LOXL2: variants seen among roughly 807,000 people sequenced by gnomAD.
The protein encoded by LOXL2 is lysyl oxidase homolog 2.
LOXL2 carries 70 observed loss-of-function variants against 93.0 expected under a neutral mutation model. That is an observed-to-expected ratio of 0.75 (90% CI 0.62 to 0.92). LOXL2 has a LOEUF of 0.92. Ranked by LOEUF, LOXL2 falls within the 40% of genes least tolerant of loss-of-function variation. The probability of loss-of-function intolerance (pLI) is 0.00; values close to 1 mark genes in which losing one functional copy is unlikely to be tolerated. For synonymous variants in LOXL2, 438 were observed against 413.2 expected (o/e 1.06, Z -0.73); for missense variants, 973 against 1,054.9 (o/e 0.92, Z 1.08).
chr8:23,368,486 T>G, intron 1 of LOXL2, 52 bp from the exon 2 acceptor site: 1 of 710,192 alleles, frequency 1.4e-6, no homozygotes, highest in Non-Finnish European at 2.4e-6. Flanking sequence ...TACGGAGACC[T>G]ACATAGAGAA....
At chr8:23,365,543 C>G (rs916807261) in intron 2 of LOXL2, 5 of 150,098 alleles carry the variant, frequency 3.3e-5, no homozygotes, top group Admixed American at 2.0e-4. Flanking sequence ...GCATCTGTTT[C>G]TTTCTCCTCT....
At chr8:23,360,046 GA>G (rs747573174) in intron 3 of LOXL2, 43 bp downstream of exon 3, 17 of 1,561,680 alleles carry the variant, frequency 1.1e-5, no homozygotes, top group Non-Finnish European at 1.4e-5. Flanking sequence ...CATGGAAGAG[GA>G]AAAATGTTTG....
chr8:23,388,441 G>A (rs569672192), intron 1 of LOXL2, among the ~76,000 whole-genome samples: 1 of 151,970 alleles, frequency 6.6e-6, no homozygotes, highest in Admixed American at 6.6e-5. Flanking sequence ...TTAATTGGCT[G>A]GGCATGGTAG....
intron 3 of LOXL2, among the ~76,000 whole-genome samples, chr8:23,350,344 C>T (rs747894607): frequency 1.1e-4 from 17 of 151,922 alleles, no homozygotes; most frequent in Admixed American, 1.3e-4. Context: ...TTTGGGAGGC[C>T]GAGGCGGGCA....
At chr8:23,374,421 C>T (rs908698503) in intron 1 of LOXL2, among the ~76,000 whole-genome samples, 29 of 152,094 alleles carry the variant, frequency 1.9e-4, no homozygotes, top group African/African-American at 5.1e-4. Flanking sequence ...TGTGTGCATG[C>T]GCCTTTACAG....
chr8:23,301,898 G>T (rs1803138469), intron 12 of LOXL2, 129 bp downstream of exon 12: 4 of 1,143,596 alleles, frequency 3.5e-6, no homozygotes, highest in Non-Finnish European at 5.0e-6. Flanking sequence ...ATGGCCTCTG[G>T]GGGTAGCACC....
rs202120091 is a variant in LOXL2 at position 23,308,971 on chromosome 8, A to AAT, written c.1880+695_1880+696dup. On this transcript the variant is annotated intron_variant, in intron 10 of 13. Coordinates refer to ENST00000389131, the MANE Select transcript of LOXL2 (RefSeq NM_002318.3). Reference sequence around the variant, plus strand: ...ATTTAAAATACATACCAGTACGTGGAATATATATATATATATATATTTTTT... The same window carrying AAT: ...ATTTAAAATACATACCAGTACGTGGAATATATATATATATATATATATTTTTT... 1.5e-3 allele frequency among the ~76,000 whole-genome samples: 224 copies of AAT among 146,912 alleles called. 2 individuals carry two copies. Among genetic ancestry groups the AAT allele is most frequent in the African/African-American group, 2.7e-3 (107 of 39,878 alleles).
intron 9 of LOXL2, among the ~76,000 whole-genome samples, chr8:23,312,942 T>C (rs552028869): frequency 1.4e-5 from 2 of 143,072 alleles, no homozygotes; most frequent in East Asian, 4.0e-4. Context: ...GATAAGCAAC[T>C]TCAGCAAAGT....
At chr8:23,350,930 T>G (rs1303131919) in intron 3 of LOXL2, among the ~76,000 whole-genome samples, 1 of 152,136 alleles carries the variant, frequency 6.6e-6, no homozygotes, top group Non-Finnish European at 1.5e-5. Flanking sequence ...CCAGCCCCTG[T>G]GACCCAGCAG....
chr8:23,376,046 G>A (rs1415454094), intron 1 of LOXL2, among the ~76,000 whole-genome samples: 1 of 152,084 alleles, frequency 6.6e-6, no homozygotes, highest in Non-Finnish European at 1.5e-5. Flanking sequence ...TCCAGTTTTT[G>A]CCCATTCAAT....
chr8:23,368,957 T>G (rs969235634), intron 1 of LOXL2, among the ~76,000 whole-genome samples: 2 of 152,146 alleles, frequency 1.3e-5, no homozygotes, highest in African/African-American at 2.4e-5. Flanking sequence ...CTCCCGTCTT[T>G]GAATCATTCT....
intron 3 of LOXL2, among the ~76,000 whole-genome samples, chr8:23,355,352 T>C (rs1804177495): frequency 6.6e-6 from 1 of 152,012 alleles, no homozygotes; most frequent in Admixed American, 6.6e-5. Context: ...CTTCATTTCC[T>C]CATGATATGG....
At chr8:23,310,846 T>C (rs1441581450) in intron 9 of LOXL2, among the ~76,000 whole-genome samples, 1 of 152,240 alleles carries the variant, frequency 6.6e-6, no homozygotes, top group Non-Finnish European at 1.5e-5. Context: ...GTTAAAAGAA[T>C]GACTGATGGC....
At chr8:23,360,903 G>GT (rs1194102430) in intron 2 of LOXL2, among the ~76,000 whole-genome samples, 4 of 151,428 alleles carry the variant, frequency 2.6e-5, no homozygotes, top group South Asian at 2.1e-4. Context: ...GGTTTTTTTT[G>GT]TTTTTTGTTT....
intron 1 of LOXL2, among the ~76,000 whole-genome samples, chr8:23,375,096 T>G (rs1218635272): frequency 5.3e-5 from 8 of 152,300 alleles, no homozygotes; most frequent in African/African-American, 1.9e-4. Context: ...ATTTAAGTCT[T>G]TAATCCATCT....
At chr8:23,343,522 T>C (rs974828479) in intron 3 of LOXL2, among the ~76,000 whole-genome samples, 8 of 152,168 alleles carry the variant, frequency 5.3e-5, no homozygotes, top group African/African-American at 1.9e-4. Flanking sequence ...CCTGTCCAAC[T>C]GAGATGCAAA....
intron 2 of LOXL2, among the ~76,000 whole-genome samples, chr8:23,366,633 T>G (rs1002607765): frequency 6.6e-6 from 1 of 152,190 alleles, no homozygotes; most frequent in African/African-American, 2.4e-5. Flanking sequence ...CCTTGGGCGA[T>G]TCTTACGCAG....
At chr8:23,367,131 C>A (rs1031798192) in intron 2 of LOXL2, among the ~76,000 whole-genome samples, 2 of 152,188 alleles carry the variant, frequency 1.3e-5, no homozygotes, top group Non-Finnish European at 2.9e-5. Flanking sequence ...TCACTGCAGC[C>A]TCCGCCTCCC....
chr8:23,358,972 G>C (rs1185071037), intron 3 of LOXL2, among the ~76,000 whole-genome samples: 2 of 151,840 alleles, frequency 1.3e-5, no homozygotes, highest in Non-Finnish European at 2.9e-5. Context: ...CTCCTGAGTA[G>C]CTGGGACTAC....
Sources: allele counts gnomAD v4.1 joint callset (sites outside exome capture counted in the v4.1 genomes callset), GRCh38; gene constraint gnomAD v4.1.1; transcripts MANE v1.5; gene names NCBI Gene and HGNC (gene_info 2026-07-23, HGNC 2026-07-21).